Variants in PACS2 observed in about 807,000 individuals in gnomAD.
The protein encoded by PACS2 is PACS1-like protein.
In PACS2, 36 loss-of-function variants were observed where a neutral mutation model predicts 113.0. The ratio of observed to expected loss-of-function variants is 0.32; its 90% CI spans 0.24 to 0.42. The LOEUF (loss-of-function observed/expected upper bound fraction) is 0.42. PACS2 is among the 10% of genes least tolerant of loss of function. The probability of loss-of-function intolerance (pLI) is 1.00; values close to 1 mark genes in which losing one functional copy is unlikely to be tolerated. For synonymous variants in PACS2, 589 were observed against 536.1 expected, an observed-to-expected ratio of 1.10 and a Z score of -1.36; for missense variants, 1,015 against 1,239.5, an observed-to-expected ratio of 0.82 and a Z score of 2.72.
chr14:105,364,885 T>C (rs148077215), intron 4 of PACS2, among the ~76,000 whole-genome samples: 1 of 152,004 alleles, frequency 6.6e-6, no homozygotes, highest in African/African-American at 2.4e-5. Flanking sequence ...TTTGTAGAGA[T>C]AAGAGTTTCG....
At chr14:105,363,833 G>A (rs1254939087) in intron 4 of PACS2, among the ~76,000 whole-genome samples, 10 of 152,122 alleles carry the variant, frequency 6.6e-5, no homozygotes, top group African/African-American at 1.9e-4. Context: ...TGAAAGAGAT[G>A]TGCAACCCCT....
In PACS2 at chr14:105,395,927, C is replaced by A. The variant is rs1470416053; in HGVS notation, c.*1255C>A. The stretch of plus-strand genomic sequence containing the variant: ...GGGCCCTCCCAGGGGTCCTGATCGA[C>A]CCTGGGGGCTCTTGGCCTGGTTTCG... On this transcript the variant is annotated 3_prime_UTR_variant, in exon 25 of 25. Transcript: ENST00000447393. 6.6e-6 allele frequency: 1 copy of A among 152,308 alleles called. No homozygotes were observed. Among genetic ancestry groups the A allele is most frequent in the Non-Finnish European group, 1.5e-5 (1 of 68,110 alleles). 9.4% of individuals were successfully genotyped at this position (152,308 alleles called of 1,614,324 possible).
intron 20 of PACS2, chr14:105,390,996 C>A (rs2081337991): frequency 1.7e-6 from 1 of 599,704 alleles, no homozygotes; most frequent in African/African-American, 1.9e-5. Flanking sequence ...TGAGGCCACG[C>A]ACCCTGAGCA....
intron 19 of PACS2, among the ~76,000 whole-genome samples, chr14:105,387,094 T>C (rs1167576655): frequency 2.6e-5 from 4 of 152,086 alleles, no homozygotes; most frequent in African/African-American, 7.2e-5. Flanking sequence ...CTCCACGTTA[T>C]AAGGGTGACA....
intron 4 of PACS2, among the ~76,000 whole-genome samples, chr14:105,364,467 T>TGCGCGGTGGGCGGCGG (rs2060871348): frequency 2.7e-5 from 2 of 74,408 alleles, no homozygotes; most frequent in African/African-American, 5.8e-5. Flanking sequence ...GTGGGCGGCG[T>TGCGCGGTGGGCGGCGG]CCCGGGTGCG....
intron 1 of PACS2, among the ~76,000 whole-genome samples, chr14:105,320,137 C>T (rs779086536): frequency 2.6e-5 from 4 of 151,728 alleles, no homozygotes; most frequent in Non-Finnish European, 5.9e-5. Flanking sequence ...ACCACCACGC[C>T]CAGCGAATTT....
chr14:105,392,110 A>G, intron 22 of PACS2: 1 of 366,240 alleles, frequency 2.7e-6, no homozygotes, highest in East Asian at 5.9e-5. Flanking sequence ...TCCTCATGGG[A>G]TGAGCTTCGA....
Position 105,385,709 on chromosome 14 carries a change from T to C in PACS2, c.2025T>C (p.Phe675=), listed in dbSNP as rs2081154058. The C allele has an allele frequency of 1.3e-6, 2 of 1,516,456 alleles. No homozygotes were observed. Among genetic ancestry groups the C allele is most frequent in the African/African-American group, 2.8e-5 (2 of 72,392 alleles). 93.9% of individuals were successfully genotyped at this position (1,516,456 alleles called of 1,614,324 possible). Residue 675 remains phenylalanine, a synonymous_variant, in exon 19 of 25, where the codon TTT becomes TTC. Transcript: ENST00000447393. Reference sequence around the variant, plus strand: ...GGAAAAAGCATTTTCATTTTGACTTTACCCTAAGGTACGGCTCTGTGGGTC... The same window carrying C: ...GGAAAAAGCATTTTCATTTTGACTTCACCCTAAGGTACGGCTCTGTGGGTC... ...QKRKKHFHFD[F]TLSPDEESSQ...
At position 105,323,626 on chromosome 14, in the gene PACS2, G is replaced by A. The variant is rs2058980696; in HGVS notation, c.119+8589G>A. On this transcript the variant is annotated intron_variant, in intron 1 of 24. Transcript: ENST00000447393. This position sits in a 1 kb window ranked among gnomAD's most constrained non-coding sequence, Gnocchi z 4.1. Reference sequence around the variant, plus strand: ...TCAAGTGTGTGTATTTGGGAGAGCAGTGCTGCTGGAGTGGTGGACCACACT... The same window carrying A: ...TCAAGTGTGTGTATTTGGGAGAGCAATGCTGCTGGAGTGGTGGACCACACT... 6.6e-6 allele frequency among the ~76,000 whole-genome samples: 1 copy of A among 152,256 alleles called. No homozygotes were observed.
chr14:105,323,727 C>T lies in PACS2; in HGVS notation c.119+8690C>T, dbSNP rs933801503. 2.6e-5 allele frequency among the ~76,000 whole-genome samples: 4 copies of T among 152,018 alleles called. No individual in the cohort carries two copies. The highest frequency in any genetic ancestry group is 4.8e-5 in the African/African-American group (2 of 41,378). On this transcript the variant is annotated intron_variant, in intron 1 of 24. Coordinates refer to ENST00000447393, the MANE Select transcript of PACS2 (RefSeq NM_001100913.3). The surrounding 1 kb of genome is among the most constrained non-coding windows in gnomAD (Gnocchi z 4.1). ...CGTGCAGGGCTTGGGACAGGGCTTT[C>T]GGAGGTGGTCTGCAGTGATCCAGGG...
At position 105,394,703 on chromosome 14, in the gene PACS2, C is replaced by CCTCACAG; in HGVS notation, c.*32_*33insTCACAGC. 1 of 1,402,160 alleles carries CCTCACAG rather than the reference C, an allele frequency of 7.1e-7. No individual in the cohort carries two copies. Among genetic ancestry groups the CCTCACAG allele is most frequent in the Non-Finnish European group, 1.0e-6 (1 of 987,028 alleles). The allele number at this position is 1,402,160 out of a possible 1,614,324, so 86.9% of individuals were successfully genotyped here. On this transcript the variant is annotated 3_prime_UTR_variant, in exon 25 of 25. Transcript: ENST00000447393. ...CCCACCAGGGGGCCCACCTCCTGCC[C>CCTCACAG]CATGCTGTGAGGGGCCCAGCTGCAT...
At chr14:105,345,109 A>T (rs1555402339) in intron 1 of PACS2, among the ~76,000 whole-genome samples, 1 of 136,066 alleles carries the variant, frequency 7.3e-6, no homozygotes, top group Non-Finnish European at 1.6e-5. Context: ...ACTCCATCTC[A>T]AAAAAGATGG....
chr14:105,375,395 G>A (rs2061316488), intron 8 of PACS2, among the ~76,000 whole-genome samples: 1 of 150,232 alleles, frequency 6.7e-6, no homozygotes, highest in South Asian at 2.1e-4. Flanking sequence ...GGAGAATGGC[G>A]TGAACCCGGG....
chr14:105,379,647 C>T, intron 9 of PACS2, 92 bp from the exon 10 acceptor site: 2 of 1,026,488 alleles, frequency 1.9e-6, no homozygotes, highest in Non-Finnish European at 3.0e-6. Flanking sequence ...ATTCTGCAGT[C>T]TGTCCCTCCA....
At position 105,368,491 on chromosome 14, in the gene PACS2, G is replaced by T; in HGVS notation, c.693G>T (p.Lys231Asn). 6.2e-7 allele frequency: 1 copy of T among 1,614,120 alleles called. No individual in the cohort carries two copies. Among genetic ancestry groups the T allele is most frequent in the Non-Finnish European group, 8.5e-7 (1 of 1,179,998 alleles). The change falls in exon 7 of 25, where the codon AAG (lysine) becomes AAT (asparagine). Residue 231 changes from lysine to asparagine, a missense_variant. Transcript: ENST00000447393. ...DLDEDDFDVGKPKKQRRSIVR... is the reference protein window; with the variant it reads ...DLDEDDFDVGNPKKQRRSIVR... Reference sequence around the variant, plus strand: ...ACGAGGACGACTTTGACGTGGGGAAGCCGAAGAAGCAGCGGAGATCGATTG... The same window carrying T: ...ACGAGGACGACTTTGACGTGGGGAATCCGAAGAAGCAGCGGAGATCGATTG...
At chr14:105,362,254 TG>T (rs2060731778) in intron 4 of PACS2, among the ~76,000 whole-genome samples, 1 of 144,736 alleles carries the variant, frequency 6.9e-6, no homozygotes. Flanking sequence ...CCGTCTCTAC[TG>T]AAAATATAAA....
In PACS2 at chr14:105,356,443, C is replaced by T. The variant is rs1325730296; in HGVS notation, c.423+1266C>T. Reference sequence around the variant, plus strand: ...CACGGACAGCACGGGTGGACCGGGCCTCCAGGCTGCACTTCCCAGGGCCCT... The same window carrying T: ...CACGGACAGCACGGGTGGACCGGGCTTCCAGGCTGCACTTCCCAGGGCCCT... On this transcript the variant is annotated intron_variant, in intron 4 of 24. Transcript: ENST00000447393. The surrounding 1 kb of genome is among the most constrained non-coding windows in gnomAD (Gnocchi z 4.0). Among the ~76,000 whole-genome samples the T allele has an allele frequency of 1.3e-5, 2 of 152,162 alleles. No individual in the cohort carries two copies. Among genetic ancestry groups the T allele is most frequent in the Non-Finnish European group, 2.9e-5 (2 of 68,002 alleles).
At chr14:105,316,206 CG>C (rs2058618214) in intron 1 of PACS2, among the ~76,000 whole-genome samples, 2 of 151,910 alleles carry the variant, frequency 1.3e-5, no homozygotes, top group Non-Finnish European at 2.9e-5. Context: ...TTGCACCTGG[CG>C]GGGCCTCCCG....
At chr14:105,381,204 C>A in intron 12 of PACS2, 105 bp downstream of exon 12, 1 of 953,316 alleles carries the variant, frequency 1.0e-6, no homozygotes. Flanking sequence ...TCCTGATGAG[C>A]TCCCTCGGGT....
Sources: allele counts gnomAD v4.1 joint callset (sites outside exome capture counted in the v4.1 genomes callset), GRCh38; gene constraint gnomAD v4.1.1; non-coding constraint Gnocchi (gnomAD v3.1); transcripts MANE v1.5; gene names NCBI Gene and HGNC (gene_info 2026-07-23, HGNC 2026-07-21).